ARHGAP10: variants seen among roughly 807,000 people sequenced by gnomAD.
ARHGAP10 encodes Rho GTPase activating protein 10.
In ARHGAP10, 87 loss-of-function variants were observed where a neutral mutation model predicts 108.6. That is an observed-to-expected ratio of 0.80 (90% CI 0.67 to 0.96). ARHGAP10 has a LOEUF of 0.96. ARHGAP10 is among the 40% of genes least tolerant of loss of function. The probability of loss-of-function intolerance (pLI) is 0.00; values close to 1 mark genes in which losing one functional copy is unlikely to be tolerated. For missense variants in ARHGAP10, 939 were observed against 954.5 expected (o/e 0.98, Z 0.21); for synonymous variants, 347 against 341.1 (o/e 1.02, Z -0.19).
intron 10 of ARHGAP10, among the ~76,000 whole-genome samples, chr4:147,900,452 A>G (rs1323754201): frequency 6.6e-6 from 1 of 152,092 alleles, no homozygotes; most frequent in Non-Finnish European, 1.5e-5. Flanking sequence ...GCCCTTTTTC[A>G]CTTGGTTTAT....
intron 15 of ARHGAP10, among the ~76,000 whole-genome samples, chr4:147,949,564 C>T (rs765358527): frequency 6.6e-6 from 1 of 151,636 alleles, no homozygotes; most frequent in Non-Finnish European, 1.5e-5. Flanking sequence ...CCCTCCCCCC[C>T]ACAAATAATT....
chr4:147,997,105 A>G (rs1740506325), intron 18 of ARHGAP10, among the ~76,000 whole-genome samples: 1 of 152,266 alleles, frequency 6.6e-6, no homozygotes, highest in Non-Finnish European at 1.5e-5. Flanking sequence ...TATCCAAAAC[A>G]TGGGAAGAGA....
intron 19 of ARHGAP10, among the ~76,000 whole-genome samples, chr4:148,043,614 A>AATTATAT (rs1553975364): frequency 1.3e-4 from 7 of 54,978 alleles, no homozygotes. Flanking sequence ...CCCTCTCTCT[A>AATTATAT]ATATATATAT....
At chr4:147,737,949 A>C (rs1412143421) in intron 1 of ARHGAP10, among the ~76,000 whole-genome samples, 1 of 151,444 alleles carries the variant, frequency 6.6e-6, no homozygotes, top group Non-Finnish European at 1.5e-5. Flanking sequence ...TCTTTTTGTC[A>C]CATTGCCTTT....
At chr4:147,922,636 C>T (rs1316004053) in intron 13 of ARHGAP10, among the ~76,000 whole-genome samples, 4 of 144,344 alleles carry the variant, frequency 2.8e-5, no homozygotes, top group African/African-American at 8.0e-5. Context: ...TGCAGTGAGC[C>T]GAGATCCCGC....
intron 1 of ARHGAP10, among the ~76,000 whole-genome samples, chr4:147,742,476 CTTTTTTTTTTTTTT>C (rs11420720): frequency 1.2e-5 from 1 of 86,494 alleles, no homozygotes; most frequent in African/African-American, 5.0e-5. Context: ...TCTGTGAACA[CTTTTTTTTTTTTTT>C]TTTTTTTTTT....
chr4:147,874,597 T>C (rs1365158702), intron 7 of ARHGAP10, among the ~76,000 whole-genome samples: 2 of 152,262 alleles, frequency 1.3e-5, no homozygotes, highest in African/African-American at 4.8e-5. Context: ...TACAGACTGC[T>C]AATGTAACAG....
chr4:147,765,264 C>T (rs1729748786), intron 1 of ARHGAP10, among the ~76,000 whole-genome samples: 1 of 145,750 alleles, frequency 6.9e-6, no homozygotes, highest in South Asian at 2.1e-4. Context: ...CAGGTGTTTC[C>T]AATATCATAC....
rs190848785 is a variant in ARHGAP10, at chr4:147,858,853, A to T, written c.486+1199A>T. Among the ~76,000 whole-genome samples, 39 of 152,320 alleles carry T rather than the reference A, an allele frequency of 2.6e-4. No homozygotes were observed. In the East Asian group the frequency reaches 4.6e-3, roughly 18 times the overall value. ...TCCAAATCCACTTCACTTTCTCATTAGGTATTTCATTTTAAACTTTGCTTA... is the reference window on the plus strand; with the variant it reads ...TCCAAATCCACTTCACTTTCTCATTTGGTATTTCATTTTAAACTTTGCTTA... On this transcript the variant is annotated intron_variant, in intron 5 of 22. Transcript: ENST00000336498.
intron 4 of ARHGAP10, chr4:147,854,636 G>A (rs1560791939): frequency 3.3e-6 from 3 of 904,614 alleles, no homozygotes; most frequent in African/African-American, 1.8e-5. Flanking sequence ...TTTATTGAAT[G>A]CTACTTGAAT....
At chr4:147,980,485 G>A (rs1467524652) in intron 18 of ARHGAP10, among the ~76,000 whole-genome samples, 1 of 152,068 alleles carries the variant, frequency 6.6e-6, no homozygotes. Context: ...TGGAGATATT[G>A]GCATGTAGTT....
chr4:148,015,311 G>C (rs1741306433), intron 18 of ARHGAP10, among the ~76,000 whole-genome samples: 1 of 152,236 alleles, frequency 6.6e-6, no homozygotes, highest in South Asian at 2.1e-4. Context: ...GCAGTTGGCT[G>C]TGAGGCCTGT....
At chr4:148,060,481 C>T (rs766855890) in intron 20 of ARHGAP10, among the ~76,000 whole-genome samples, 9 of 151,278 alleles carry the variant, frequency 5.9e-5, no homozygotes, top group Non-Finnish European at 1.2e-4. Context: ...TATATTTACT[C>T]ACTTGCCTCA....
chr4:148,043,080 C>T lies in ARHGAP10; in HGVS notation c.1868-3812C>T, dbSNP rs540063158. On this transcript the variant is annotated intron_variant, in intron 19 of 22. Coordinates refer to ENST00000336498, the MANE Select transcript of ARHGAP10 (RefSeq NM_024605.4). ...ACAAAATGTACAAGGGAAATGGGCA[C>T]CTAAAACCAGGTTATAAAACCAGTA... 2.6e-5 allele frequency among the ~76,000 whole-genome samples: 4 copies of T among 152,112 alleles called. No individual in the cohort carries two copies. The South Asian group carries it at 6.2e-4, about 24-fold the overall frequency.
At chr4:147,841,859 A>G (rs1315917485) in intron 3 of ARHGAP10, among the ~76,000 whole-genome samples, 3 of 152,188 alleles carry the variant, frequency 2.0e-5, no homozygotes, top group Non-Finnish European at 4.4e-5. Context: ...GTTATTTGCC[A>G]CAACTACTAC....
At chr4:147,991,299 C>G (rs919635737) in intron 18 of ARHGAP10, among the ~76,000 whole-genome samples, 11 of 152,114 alleles carry the variant, frequency 7.2e-5, no homozygotes, top group Non-Finnish European at 1.2e-4. Flanking sequence ...TAGTTGCACT[C>G]ACAGTTAGAT....
At chr4:147,857,409 A>G in intron 4 of ARHGAP10, 144 bp from the exon 5 acceptor site, 1 of 765,468 alleles carries the variant, frequency 1.3e-6, no homozygotes, top group South Asian at 3.4e-5. Flanking sequence ...CTTGGTACAG[A>G]TATGTTTTTT....
chr4:147,862,374 A>G (rs2126840564), intron 5 of ARHGAP10: 1 of 152,550 alleles, frequency 6.6e-6, no homozygotes, highest in Admixed American at 6.5e-5. Context: ...CCCCAAGAGC[A>G]CAGGGATGCC....
intron 1 of ARHGAP10, among the ~76,000 whole-genome samples, chr4:147,753,453 C>T (rs1482076462): frequency 1.3e-5 from 2 of 151,642 alleles, no homozygotes; most frequent in Non-Finnish European, 2.9e-5. Context: ...AAGCGATTCT[C>T]CTGCCTCAGC....
Sources: gnomAD v4.1 joint callset for allele counts (sites outside exome capture counted in the v4.1 genomes callset) on GRCh38, gnomAD v4.1.1 for gene constraint, MANE v1.5 for transcripts, NCBI Gene and HGNC (gene_info 2026-07-23, HGNC 2026-07-21) for gene names.